SYT1: variants seen among roughly 807,000 people sequenced by gnomAD.
SYT1 encodes the protein synaptotagmin-1.
SYT1 carries 8 observed loss-of-function variants against 44.8 expected under a neutral mutation model. The ratio of observed to expected loss-of-function variants is 0.18; its 90% confidence interval spans 0.10 to 0.32. The LOEUF (loss-of-function observed/expected upper bound fraction) is 0.32, where lower values mean the gene tolerates loss of function less well. SYT1 is among the 10% of genes least tolerant of loss of function. The pLI is 1.00. For missense variants in SYT1, 286 were observed against 509.3 expected, an observed-to-expected ratio of 0.56 and a Z score of 4.22; for synonymous variants, 154 against 188.8, an observed-to-expected ratio of 0.82 and a Z score of 1.51.
rs140795615 is a variant in SYT1 at position 78,878,641 on chromosome 12, A to C, written c.-217+13532A>C. Among the ~76,000 whole-genome samples, 86 of 151,908 alleles carry C rather than the reference A, an allele frequency of 5.7e-4. No homozygotes were observed. In the East Asian group the frequency reaches 0.017, roughly 30 times the overall value. On this transcript the variant is annotated intron_variant, in intron 1 of 10. Coordinates refer to ENST00000261205, the MANE Select transcript of SYT1 (RefSeq NM_005639.3). Reference sequence around the variant, plus strand: ...GCCACCCATAAAAGAATTGAGTACCATCTAGTTAAGAGTGAAACCATAAGG... The same window carrying C: ...GCCACCCATAAAAGAATTGAGTACCCTCTAGTTAAGAGTGAAACCATAAGG...
At chr12:79,027,486 TA>T (rs1017201838) in intron 2 of SYT1, among the ~76,000 whole-genome samples, 10 of 151,202 alleles carry the variant, frequency 6.6e-5, no homozygotes, top group Admixed American at 4.0e-4. Context: ...TATAAATATA[TA>T]AGTATGCTTT....
At chr12:79,136,653 C>T (rs529927951) in intron 3 of SYT1, among the ~76,000 whole-genome samples, 2 of 152,258 alleles carry the variant, frequency 1.3e-5, no homozygotes, top group East Asian at 1.9e-4. Context: ...TCACTTTTAA[C>T]ATGTTACCTA....
chr12:79,309,387 C>CT (rs771984309), intron 8 of SYT1, among the ~76,000 whole-genome samples: 2,336 of 142,698 alleles, frequency 0.016, 20 homozygotes, highest in South Asian at 0.023. Flanking sequence ...CTTTATGTTT[C>CT]TTTTTTTTTT....
intron 9 of SYT1, among the ~76,000 whole-genome samples, chr12:79,396,326 A>G (rs2136105289): frequency 6.6e-6 from 1 of 152,264 alleles, no homozygotes; most frequent in African/African-American, 2.4e-5. Context: ...TCTTCAGCAT[A>G]TTGCAAGTAA....
chr12:79,008,479 T>A (rs1311251863), intron 2 of SYT1, among the ~76,000 whole-genome samples: 2 of 152,094 alleles, frequency 1.3e-5, no homozygotes, highest in East Asian at 3.9e-4. Flanking sequence ...TTCAAGAAAT[T>A]TACTCTGGCT....
intron 2 of SYT1, among the ~76,000 whole-genome samples, chr12:79,030,540 T>G (rs1872768901): frequency 6.6e-6 from 1 of 151,080 alleles, no homozygotes; most frequent in Non-Finnish European, 1.5e-5. Flanking sequence ...AAAAAACTCA[T>G]TATAGTCTGC....
At chr12:79,254,035 C>T (rs960046250) in intron 4 of SYT1, among the ~76,000 whole-genome samples, 5 of 152,184 alleles carry the variant, frequency 3.3e-5, no homozygotes, top group African/African-American at 1.2e-4. Context: ...GCAGGAAGTG[C>T]TGATGGAGAA....
intron 9 of SYT1, among the ~76,000 whole-genome samples, chr12:79,379,065 C>A (rs906259938): frequency 1.3e-5 from 2 of 152,024 alleles, no homozygotes; most frequent in Non-Finnish European, 2.9e-5. Context: ...TAGTAATTTC[C>A]TCCTGAGAAA....
intron 8 of SYT1, among the ~76,000 whole-genome samples, chr12:79,324,717 A>T (rs969999337): frequency 5.9e-5 from 9 of 152,174 alleles, no homozygotes; most frequent in Non-Finnish European, 1.3e-4. Flanking sequence ...TCACTAGGAA[A>T]CTGAGACATT....
intron 2 of SYT1, among the ~76,000 whole-genome samples, chr12:79,003,245 C>A (rs1230772375): frequency 2.0e-5 from 3 of 151,878 alleles, no homozygotes; most frequent in Admixed American, 2.0e-4. Flanking sequence ...GTGTTTCTAT[C>A]ACATGACATC....
chr12:79,071,533 T>C (rs1394735951), intron 3 of SYT1, among the ~76,000 whole-genome samples: 1 of 152,154 alleles, frequency 6.6e-6, no homozygotes, highest in African/African-American at 2.4e-5. Flanking sequence ...TTTGCTACCA[T>C]AACAAACCAC....
chr12:79,333,857 T>C (rs1193564016), intron 8 of SYT1, among the ~76,000 whole-genome samples: 1 of 152,220 alleles, frequency 6.6e-6, no homozygotes, highest in Non-Finnish European at 1.5e-5. Context: ...TTCCCAATGT[T>C]GTTTATGTAT....
intron 4 of SYT1, among the ~76,000 whole-genome samples, chr12:79,285,385 A>T (rs577101739): frequency 6.6e-6 from 1 of 152,296 alleles, no homozygotes; most frequent in African/African-American, 2.4e-5. Context: ...TTTCCACTTT[A>T]GAGATGAGGA....
intron 8 of SYT1, among the ~76,000 whole-genome samples, chr12:79,349,283 A>G (rs1332545072): frequency 2.0e-5 from 3 of 152,198 alleles, no homozygotes; most frequent in Non-Finnish European, 4.4e-5. Flanking sequence ...TAAATGAATA[A>G]AGGAAAACAA....
At chr12:79,132,165 T>C (rs1868867044) in intron 3 of SYT1, among the ~76,000 whole-genome samples, 1 of 152,178 alleles carries the variant, frequency 6.6e-6, no homozygotes, top group Non-Finnish European at 1.5e-5. Flanking sequence ...AAAGAAGACA[T>C]ACAGGCCGAG....
At chr12:79,102,584 C>G (rs1878503893) in intron 3 of SYT1, among the ~76,000 whole-genome samples, 1 of 152,188 alleles carries the variant, frequency 6.6e-6, no homozygotes. Flanking sequence ...AATGTGAGCA[C>G]CAGGACAGCA....
At chr12:79,420,478 C>A (rs912469870) in intron 9 of SYT1, among the ~76,000 whole-genome samples, 4 of 152,134 alleles carry the variant, frequency 2.6e-5, no homozygotes, top group Admixed American at 6.6e-5. Flanking sequence ...TCACCTCAGT[C>A]AGCTCTGGGC....
At chr12:79,029,541 A>G (rs998061271) in intron 2 of SYT1, among the ~76,000 whole-genome samples, 7 of 151,092 alleles carry the variant, frequency 4.6e-5, no homozygotes, top group Non-Finnish European at 1.0e-4. Context: ...GCAACTTCTG[A>G]TTTGGTGATT....
intron 1 of SYT1, among the ~76,000 whole-genome samples, chr12:78,976,918 A>G (rs1271162432): frequency 6.6e-6 from 1 of 152,156 alleles, no homozygotes; most frequent in Non-Finnish European, 1.5e-5. Context: ...ATGCTACTTT[A>G]TAACTCAGTT....
Sources: allele counts gnomAD v4.1 joint callset (sites outside exome capture counted in the v4.1 genomes callset), GRCh38; gene constraint gnomAD v4.1.1; transcripts MANE v1.5; gene names NCBI Gene and HGNC (gene_info 2026-07-23, HGNC 2026-07-21).